TMEM145: variants seen among roughly 807,000 people sequenced by gnomAD.
The protein encoded by TMEM145 is transmembrane protein 145.
TMEM145 carries 46 observed loss-of-function variants against 68.5 expected under a neutral mutation model. The observed-to-expected ratio is 0.67, with a 90% CI of 0.53 to 0.86. The LOEUF is 0.86. Among genes scored for constraint, TMEM145 ranks in the 40% least tolerant of loss-of-function variants. TMEM145 has a pLI of 0.00. For synonymous variants in TMEM145, 255 were observed against 280.2 expected (o/e 0.91, Z 0.90); for missense variants, 570 against 645.8 (o/e 0.88, Z 1.27).
intron 5 of TMEM145, 41 bp from the exon 6 acceptor site, chr19:42,314,952 A>C: frequency 6.2e-7 from 1 of 1,613,692 alleles, no homozygotes; most frequent in African/African-American, 1.3e-5. Flanking sequence ...CCAACCCCCA[A>C]CTTGCCCAGG....
Position 42,320,428 on chromosome 19 carries a change from C to T in TMEM145, c.1185C>T (p.Gly395=). 6.2e-7 allele frequency: 1 copy of T among 1,613,874 alleles called. No individual in the cohort carries two copies. The highest frequency in any genetic ancestry group is 8.5e-7 in the Non-Finnish European group (1 of 1,180,018). The stretch of plus-strand genomic sequence containing the variant: ...TGGGGATCCACTTGTACGCCCATGG[C>T]GTGTTTCTGGTGAGGATGGGCATCT... ...IQLGIHLYAH[G]VFLIMTRPSA... Residue 395 remains glycine (G), a synonymous_variant, in exon 13 of 15, where the codon GGC becomes GGT. Transcript: ENST00000301204.
In TMEM145 at chr19:42,315,054, G is replaced by C. The variant is rs769767615; in HGVS notation, c.482G>C (p.Arg161Pro). 1 of 1,614,162 alleles carries C rather than the reference G, an allele frequency of 6.2e-7. No homozygotes were observed. Among genetic ancestry groups the C allele is most frequent in the Non-Finnish European group, 8.5e-7 (1 of 1,180,028 alleles). ...VLTNGKSFWTRHFSADEFGIL... is the reference protein window; with the variant it reads ...VLTNGKSFWTPHFSADEFGIL... ...ACCAATGGCAAGTCCTTCTGGACAC[G>C]ACACTTCTCCGCTGATGAGTTTGGT... The change falls in exon 6 of 15, where the codon CGA (arginine) becomes CCA (proline). Residue 161 changes from arginine to proline, a missense_variant. Coordinates refer to ENST00000301204, the MANE Select transcript of TMEM145 (RefSeq NM_173633.3).
intron 14 of TMEM145, 91 bp downstream of exon 14, chr19:42,323,880 C>T: frequency 1.7e-6 from 2 of 1,189,214 alleles, no homozygotes; most frequent in Non-Finnish European, 1.2e-6. Context: ...GCCCCCAGCG[C>T]CCGGACCCCT....
chr19:42,321,168 T>A (rs1339264046), intron 13 of TMEM145: 2 of 397,784 alleles, frequency 5.0e-6, no homozygotes, highest in African/African-American at 4.1e-5. Flanking sequence ...GCATCTGGGG[T>A]GGCACAGGGT....
At chr19:42,315,504 G>C in intron 8 of TMEM145, 64 bp downstream of exon 8, 1 of 1,559,432 alleles carries the variant, frequency 6.4e-7, no homozygotes, top group Non-Finnish European at 8.8e-7. Flanking sequence ...AGACACCTGG[G>C]CCTAAGAGGA....
chr19:42,321,272 T>G (rs959884552), intron 13 of TMEM145: 4 of 395,896 alleles, frequency 1.0e-5, no homozygotes, highest in African/African-American at 8.3e-5. Context: ...GTCACTAGGC[T>G]GGAGTGCAGT....
In TMEM145 at chr19:42,325,052, T is replaced by A; in HGVS notation, c.*235T>A. The A allele has an allele frequency of 1.8e-6, 1 of 546,636 alleles. No individual in the cohort carries two copies. The highest frequency in any genetic ancestry group is 2.0e-5 in the African/African-American group (1 of 50,638). 33.9% of individuals were successfully genotyped at this position (546,636 alleles called of 1,614,324 possible). On this transcript the variant is annotated 3_prime_UTR_variant, in exon 15 of 15. Coordinates refer to ENST00000301204, the MANE Select transcript of TMEM145 (RefSeq NM_173633.3). ...TCTTGCCAAAATAAAAAAGGATTCGTTTTTATCTATAACATGGCTTCTTTT... is the reference window on the plus strand; with the variant it reads ...TCTTGCCAAAATAAAAAAGGATTCGATTTTATCTATAACATGGCTTCTTTT...
In TMEM145 at chr19:42,315,387, G is replaced by T. The variant is rs527465607; in HGVS notation, c.593G>T (p.Arg198Leu). The T allele has an allele frequency of 3.2e-4, 520 of 1,614,176 alleles. 6 individuals are homozygous for T. The South Asian group carries it at 5.4e-3, about 17-fold the overall frequency. Residue 198 changes from arginine (R) to leucine (L), a missense_variant, in exon 8 of 15, where the codon CGT (arginine) becomes CTT (leucine). Transcript: ENST00000301204. The stretch of plus-strand genomic sequence containing the variant: ...TGCTTCCTAGATTTGCTGAAAGGTC[G>T]TCAGTTGCTCCACACAACTTATAAA... ...SCYFGYLLKG[R>L]QLLHTTYKMF...
At chr19:42,324,277 G>A in intron 14 of TMEM145, 1 of 985,050 alleles carries the variant, frequency 1.0e-6, no homozygotes, top group Non-Finnish European at 1.2e-6. Context: ...CCCCCTCCCA[G>A]GCCGGGAAGC....
Position 42,314,293 on chromosome 19 carries a change from T to G in TMEM145, c.142T>G (p.Phe48Val), listed in dbSNP as rs756880022. The part of the protein sequence containing the change: ...SKEDWVFLTR[F>V]CFLSDYGRLD... ...TCAGGACTGGGTGTTCCTGACAAGA[T>G]TTTGTTTCCTCTCGGATTACGGCCG... Residue 48 changes from phenylalanine to valine, a missense_variant, in exon 2 of 15, where the codon TTT (phenylalanine) becomes GTT (valine). Physicochemically the swap from Phe to Val is conservative, Grantham distance 50. Transcript: ENST00000301204. The G allele has an allele frequency of 6.2e-7, 1 of 1,613,788 alleles. No individual in the cohort carries two copies. The highest frequency in any genetic ancestry group is 1.3e-5 in the African/African-American group (1 of 74,790).
chr19:42,315,621 G>A lies in TMEM145; in HGVS notation c.646+181G>A, dbSNP rs2038849028. ...GGGGGCTTCGACTCCTGGGTCCTGG[G>A]GGAGAAGGGGCTGGAGCCCTAGTTC... is the stretch of plus-strand genomic sequence containing the variant. On this transcript the variant is annotated intron_variant, in intron 8 of 14. Transcript: ENST00000301204. 4.6e-5 allele frequency among the ~76,000 whole-genome samples: 7 copies of A among 151,190 alleles called. No individual in the cohort carries two copies. In the South Asian group the frequency reaches 1.5e-3, roughly 32 times the overall value.
Position 42,324,964 on chromosome 19 carries a change from T to A in TMEM145, c.*147T>A. ...TCTGTGACCTCGGACCCGTACTCCATCTGCCGCATCTCCATTCCGGGGGCC... is the reference window on the plus strand; with the variant it reads ...TCTGTGACCTCGGACCCGTACTCCAACTGCCGCATCTCCATTCCGGGGGCC... On this transcript the variant is annotated 3_prime_UTR_variant, in exon 15 of 15. Transcript: ENST00000301204. 1.6e-6 allele frequency: 2 copies of A among 1,226,212 alleles called. No individual in the cohort carries two copies. Among genetic ancestry groups the A allele is most frequent in the Non-Finnish European group, 2.1e-6 (2 of 969,022 alleles). 76.0% of individuals were successfully genotyped at this position (1,226,212 alleles called of 1,614,324 possible).
chr19:42,318,025 C>T, intron 12 of TMEM145, 144 bp downstream of exon 12: 1 of 925,722 alleles, frequency 1.1e-6, no homozygotes, highest in Non-Finnish European at 1.6e-6. Flanking sequence ...CACTTACTCA[C>T]TTTGTGAAAA....
intron 14 of TMEM145, chr19:42,324,402 A>C (rs982417790): frequency 2.0e-6 from 2 of 984,778 alleles, no homozygotes; most frequent in Non-Finnish European, 2.4e-6. Flanking sequence ...AAGGCGGCCG[A>C]CTCGGGCTGG....
chr19:42,318,068 CA>C (rs920517163), intron 12 of TMEM145, among the ~76,000 whole-genome samples, 187 bp downstream of exon 12: 2 of 152,158 alleles, frequency 1.3e-5, no homozygotes, highest in Non-Finnish European at 2.9e-5. Flanking sequence ...CAGGTTTACC[CA>C]TAAAACAACA....
Position 42,313,489 on chromosome 19 carries a change from C to A in TMEM145, c.113C>A (p.Ser38Tyr). Residue 38 changes from serine to tyrosine, a missense_variant, in exon 1 of 15, where the codon TCC (serine) becomes TAC (tyrosine). Transcript: ENST00000301204. The surrounding 1 kb of genome is among the most constrained non-coding windows in gnomAD (Gnocchi z 5.1). ...AAGTACGTGCGGGGCAACCTCAGTT[C>A]CAAGGAGGTGAGCATGCCGAGCCCT... is the stretch of plus-strand genomic sequence containing the variant. ...RAKYVRGNLSSKEDWVFLTRF... is the reference protein window; with the variant it reads ...RAKYVRGNLSYKEDWVFLTRF... 7.6e-7 allele frequency: 1 copy of A among 1,307,702 alleles called. No individual in the cohort carries two copies. Among genetic ancestry groups the A allele is most frequent in the Non-Finnish European group, 9.8e-7 (1 of 1,022,826 alleles). The allele number at this position is 1,307,702 out of a possible 1,614,324, so 81.0% of individuals were successfully genotyped here.
At position 42,317,694 on chromosome 19, in the gene TMEM145, C is replaced by T; in HGVS notation, c.901-15C>T. 2 of 1,613,860 alleles carry T rather than the reference C, an allele frequency of 1.2e-6. No individual in the cohort carries two copies. Among genetic ancestry groups the T allele is most frequent in the Non-Finnish European group, 1.7e-6 (2 of 1,179,796 alleles). ...AGGAGGCCAGGCTGTGATGGACCCT[C>T]TCCTGCGGGTCTAGTTCTTTGACCC... is the stretch of plus-strand genomic sequence containing the variant. On this transcript the variant is annotated splice_polypyrimidine_tract_variant and intron_variant, in intron 11 of 14. Transcript: ENST00000301204.
At chr19:42,316,316 G>T in intron 8 of TMEM145, among the ~76,000 whole-genome samples, 165 bp from the exon 9 acceptor site, 1 of 152,022 alleles carries the variant, frequency 6.6e-6, no homozygotes, top group East Asian at 1.9e-4. Flanking sequence ...TGGGGAGCAG[G>T]GTTGGGGGCT....
chr19:42,320,429 G>A lies in TMEM145; in HGVS notation c.1186G>A (p.Val396Met), dbSNP rs749718923. 1.2e-5 allele frequency: 19 copies of A among 1,613,940 alleles called. No individual in the cohort carries two copies. Among genetic ancestry groups the A allele is most frequent in the East Asian group, 8.9e-5 (4 of 44,878 alleles). ...GGGGATCCACTTGTACGCCCATGGC[G>A]TGTTTCTGGTGAGGATGGGCATCTG... is the stretch of plus-strand genomic sequence containing the variant. ...QLGIHLYAHG[V>M]FLIMTRPSAA... The change falls in exon 13 of 15, where the codon GTG becomes ATG. Residue 396 changes from valine to methionine, a missense_variant. Transcript: ENST00000301204.
Sources: gnomAD v4.1 joint callset for allele counts (sites outside exome capture counted in the v4.1 genomes callset) on GRCh38, gnomAD v4.1.1 for gene constraint, Gnocchi (gnomAD v3.1) non-coding constraint, MANE v1.5 for transcripts, NCBI Gene and HGNC (gene_info 2026-07-23, HGNC 2026-07-21) for gene names.